Variants in KGD4 observed in about 807,000 individuals in gnomAD.
KGD4 encodes the protein alpha-ketoglutarate dehydrogenase component 4.
chr5:69,228,168 T>A, the KGD4 span: 3 of 1,485,338 alleles, frequency 2.0e-6, no homozygotes, highest in African/African-American at 3.2e-5. Context: ...GAACAATTTC[T>A]CTAATAAGGT....
At chr5:69,225,084 A>C in the KGD4 span, among the ~76,000 whole-genome samples, 243 of 150,424 alleles carry the variant, frequency 1.6e-3, 2 homozygotes, top group African/African-American at 5.1e-3. Context: ...AAAAAAGAAA[A>C]AAAAAAAAAA....
chr5:69,226,663 A>G, the KGD4 span, among the ~76,000 whole-genome samples: 2 of 152,056 alleles, frequency 1.3e-5, no homozygotes, highest in Non-Finnish European at 2.9e-5. Flanking sequence ...CCTGGCCAAC[A>G]TGGTGAAACC....
At chr5:69,226,443 A>C in the KGD4 span, 4 of 1,291,750 alleles carry the variant, frequency 3.1e-6, no homozygotes, top group South Asian at 1.3e-5. Context: ...AATTGTGTAC[A>C]TGAATATTTA....
At chr5:69,224,961 C>G in the KGD4 span, among the ~76,000 whole-genome samples, 1 of 151,364 alleles carries the variant, frequency 6.6e-6, no homozygotes, top group Non-Finnish European at 1.5e-5. Context: ...ATAGTCCCAG[C>G]TACTCGGGAG....
chr5:69,220,879 C>T, the KGD4 span, among the ~76,000 whole-genome samples: 2 of 152,158 alleles, frequency 1.3e-5, no homozygotes, highest in Admixed American at 6.6e-5. Flanking sequence ...TAATCTATAA[C>T]CTTACCCCCA....
chr5:69,218,184 T>C, the KGD4 span: 2 of 398,628 alleles, frequency 5.0e-6, no homozygotes, highest in South Asian at 8.7e-5. Context: ...CGTGTGCGGG[T>C]GAGGCGACCC....
chr5:69,219,694 AAAAAG>A, the KGD4 span, among the ~76,000 whole-genome samples: 1 of 152,158 alleles, frequency 6.6e-6, no homozygotes, highest in East Asian at 1.9e-4. Flanking sequence ...GCTCTTAAAA[AAAAAG>A]AAAAAAAGAG....
the KGD4 span, among the ~76,000 whole-genome samples, chr5:69,227,502 C>A: frequency 4.3e-4 from 65 of 152,180 alleles, no homozygotes; most frequent in African/African-American, 1.4e-3. Context: ...TTTAAAAAAA[C>A]CAGATCCTCT....
the KGD4 span, among the ~76,000 whole-genome samples, chr5:69,227,505 G>T: frequency 1.3e-5 from 2 of 152,082 alleles, no homozygotes; most frequent in African/African-American, 4.8e-5. Flanking sequence ...AAAAAAACCA[G>T]ATCCTCTGTG....
chr5:69,223,108 T>G, the KGD4 span, among the ~76,000 whole-genome samples: 1 of 91,112 alleles, frequency 1.1e-5, no homozygotes, highest in Non-Finnish European at 2.0e-5. Context: ...AGACAAAGTC[T>G]TGCTCTTTCA....
chr5:69,225,876 G>T, the KGD4 span, among the ~76,000 whole-genome samples: 1 of 152,160 alleles, frequency 6.6e-6, no homozygotes, highest in South Asian at 2.1e-4. Flanking sequence ...ATCACACTGG[G>T]CCTTGTTTTT....
At chr5:69,228,073 C>A in the KGD4 span, 1 of 721,556 alleles carries the variant, frequency 1.4e-6, no homozygotes, top group Non-Finnish European at 2.1e-6. Context: ...AATTATAATA[C>A]TTCAAGAGTT....
the KGD4 span, chr5:69,229,056 A>G: frequency 2.2e-6 from 1 of 447,644 alleles, no homozygotes; most frequent in Non-Finnish European, 4.1e-6. Flanking sequence ...AAGAATTGAT[A>G]TGAGTACCCA....
At chr5:69,228,248 T>C in the KGD4 span, 2 of 1,607,036 alleles carry the variant, frequency 1.2e-6, no homozygotes, top group Non-Finnish European at 8.5e-7. Context: ...TCTTCTGTAA[T>C]TTCACAACAT....
the KGD4 span, among the ~76,000 whole-genome samples, chr5:69,220,585 GCCA>G: frequency 6.6e-6 from 1 of 151,440 alleles, no homozygotes; most frequent in Admixed American, 6.6e-5. Context: ...CTGCCCGGCC[GCCA>G]CCCCGTCTGG....
the KGD4 span, among the ~76,000 whole-genome samples, chr5:69,220,511 G>T: frequency 1.3e-5 from 2 of 151,776 alleles, no homozygotes; most frequent in African/African-American, 4.8e-5. Flanking sequence ...CCAGGCAGCC[G>T]CCCCGTCTGG....
the KGD4 span, chr5:69,228,444 G>A: frequency 2.7e-6 from 4 of 1,499,852 alleles, no homozygotes; most frequent in Non-Finnish European, 3.6e-6. Flanking sequence ...TTTGGGCTTT[G>A]GGGATTTCAT....
At chr5:69,226,219 G>A in the KGD4 span, 1 of 683,268 alleles carries the variant, frequency 1.5e-6, no homozygotes, top group African/African-American at 1.8e-5. Flanking sequence ...TTGGGGAAGA[G>A]TATAATTTAA....
chr5:69,226,924 T>G, the KGD4 span, among the ~76,000 whole-genome samples: 1 of 152,070 alleles, frequency 6.6e-6, no homozygotes, highest in African/African-American at 2.4e-5. Flanking sequence ...CAGGCTGGAG[T>G]GCAGTGGTGC....
Sources: allele counts gnomAD v4.1 joint callset (sites outside exome capture counted in the v4.1 genomes callset), GRCh38; gene constraint gnomAD v4.1.1; transcripts MANE v1.5; gene names NCBI Gene and HGNC (gene_info 2026-07-23, HGNC 2026-07-21).